The following IQSEC1 variants were observed in gnomAD, a reference collection of about 807,000 sequenced individuals.
The protein encoded by IQSEC1 is IQ motif and SEC7 domain-containing protein 1.
A neutral mutation model predicts 91.0 loss-of-function variants in IQSEC1; 31 were observed. The ratio of observed to expected loss-of-function variants is 0.34; its 90% CI spans 0.26 to 0.46. IQSEC1 has a LOEUF of 0.46. IQSEC1 is among the 20% of genes least tolerant of loss of function. IQSEC1 has a pLI of 1.00. For synonymous variants in IQSEC1, 699 were observed against 662.6 expected (o/e 1.05, Z -0.84); for missense variants, 1,388 against 1,575.6 (o/e 0.88, Z 2.02).
chr3:12,997,459 T>C (rs1483761637), intron 1 of IQSEC1, among the ~76,000 whole-genome samples: 4 of 152,238 alleles, frequency 2.6e-5, no homozygotes, highest in African/African-American at 4.8e-5. Context: ...TTGAAGTCTC[T>C]TCTTGACATG....
chr3:13,226,040 C>T (rs937732540), intron 1 of IQSEC1, among the ~76,000 whole-genome samples: 9 of 152,180 alleles, frequency 5.9e-5, no homozygotes, highest in Non-Finnish European at 1.5e-5. Flanking sequence ...ACCACCACGC[C>T]TGGCTAATTT....
intron 1 of IQSEC1, among the ~76,000 whole-genome samples, chr3:12,961,546 C>T (rs1391590760): frequency 6.6e-6 from 1 of 152,216 alleles, no homozygotes; most frequent in African/African-American, 2.4e-5. Context: ...CCACCAACAG[C>T]CTGCAGCCCT....
chr3:12,938,895 G>A (rs916304340), intron 2 of IQSEC1, among the ~76,000 whole-genome samples: 4 of 152,168 alleles, frequency 2.6e-5, no homozygotes, highest in Admixed American at 1.3e-4. Flanking sequence ...CAGAGCCCCT[G>A]GCAGTTCCTC....
At chr3:13,154,196 T>A (rs1707044404) in intron 2 of IQSEC1, among the ~76,000 whole-genome samples, 1 of 151,358 alleles carries the variant, frequency 6.6e-6, no homozygotes. Flanking sequence ...GGAAGAAGAA[T>A]CTTATCTGAC....
chr3:13,204,834 CTT>C (rs1694314468), intron 1 of IQSEC1, among the ~76,000 whole-genome samples: 1 of 138,676 alleles, frequency 7.2e-6, no homozygotes. Context: ...GAATTTCACT[CTT>C]GTTGCCCAAG....
intron 1 of IQSEC1, among the ~76,000 whole-genome samples, chr3:13,202,023 G>GGAGTGT (rs1694254386): frequency 2.0e-5 from 3 of 152,220 alleles, no homozygotes; most frequent in Non-Finnish European, 4.4e-5. Context: ...CCAGCCAACT[G>GGAGTGT]CAGCCGCTGC....
At chr3:12,944,888 C>T (rs1442360382) in intron 1 of IQSEC1, among the ~76,000 whole-genome samples, 2 of 152,186 alleles carry the variant, frequency 1.3e-5, no homozygotes, top group African/African-American at 2.4e-5. Flanking sequence ...GTGCTGCCCC[C>T]GACCCAGGAT....
In IQSEC1 at chr3:13,146,500, A is replaced by G. The variant is rs567437896; in HGVS notation, c.302+17604T>C. ...TGATGACCCCCATAAAACCTCAGCC[A>G]CCAAGGACAGCTGCAGCCAAGGGCT... On this transcript the variant is annotated intron_variant, in intron 2 of 15. Coordinates refer to the IQSEC1 transcript ENST00000648114. Among the ~76,000 whole-genome samples, 181 of 152,308 alleles carry G rather than the reference A, an allele frequency of 1.2e-3. 1 individual carries two copies. The highest frequency in any genetic ancestry group is 4.3e-3 in the African/African-American group (177 of 41,566).
intron 1 of IQSEC1, among the ~76,000 whole-genome samples, chr3:13,247,917 G>A (rs920374054): frequency 6.6e-6 from 1 of 152,198 alleles, no homozygotes; most frequent in Non-Finnish European, 1.5e-5. Flanking sequence ...GTCTTCCTGG[G>A]GTTCCAGTGG....
At chr3:13,124,675 CG>C (rs1706480945) in intron 2 of IQSEC1, among the ~76,000 whole-genome samples, 1 of 152,148 alleles carries the variant, frequency 6.6e-6, no homozygotes, top group African/African-American at 2.4e-5. Flanking sequence ...AGGGCACTGG[CG>C]GGACTGTCAT....
intron 1 of IQSEC1, among the ~76,000 whole-genome samples, chr3:13,009,970 T>A (rs1459892031): frequency 6.6e-6 from 1 of 152,256 alleles, no homozygotes; most frequent in Non-Finnish European, 1.5e-5. Context: ...GATTCTGGGC[T>A]TCAGGTCAAG....
chr3:13,175,780 G>C (rs145555900), intron 1 of IQSEC1, among the ~76,000 whole-genome samples: 6 of 152,342 alleles, frequency 3.9e-5, no homozygotes, highest in Non-Finnish European at 8.8e-5. Context: ...TGGCACTTTG[G>C]TGCTGTCCTC....
intron 1 of IQSEC1, among the ~76,000 whole-genome samples, chr3:13,273,244 A>G (rs999343343): frequency 6.6e-6 from 1 of 152,132 alleles, no homozygotes; most frequent in African/African-American, 2.4e-5. Flanking sequence ...CGTGCTGCCC[A>G]AATACTCCAC....
intron 1 of IQSEC1, among the ~76,000 whole-genome samples, chr3:12,947,676 A>G (rs778803348): frequency 6.6e-6 from 1 of 152,188 alleles, no homozygotes; most frequent in African/African-American, 2.4e-5. Flanking sequence ...GGGACAGGCC[A>G]AGGACAGGGC....
At chr3:13,124,761 A>G (rs1251534437) in intron 2 of IQSEC1, among the ~76,000 whole-genome samples, 1 of 124,558 alleles carries the variant, frequency 8.0e-6, no homozygotes, top group Non-Finnish European at 1.6e-5. Context: ...CAAACGTCCC[A>G]TGGGAGCTCC....
rs529056453 is a variant in IQSEC1 at position 13,034,914 on chromosome 3, C to T, written c.23+38078G>A. Among the ~76,000 whole-genome samples the T allele has an allele frequency of 1.3e-3, 191 of 152,352 alleles. 1 individual carries two copies. Among genetic ancestry groups the T allele is most frequent in the Non-Finnish European group, 2.4e-3 (165 of 68,030 alleles). ...CTCCCCTAACAGTATTCCCATGCTC[C>T]CAGGGATCGGCCTCGCCCCGACAGG... is the stretch of plus-strand genomic sequence containing the variant. On this transcript the variant is annotated intron_variant, in intron 1 of 13. Coordinates refer to ENST00000613206, the MANE Select transcript of IQSEC1 (RefSeq NM_001134382.3).
intron 1 of IQSEC1, among the ~76,000 whole-genome samples, chr3:13,013,633 C>T (rs1047346326): frequency 1.3e-5 from 2 of 152,232 alleles, no homozygotes; most frequent in African/African-American, 4.8e-5. Context: ...GCCCTACTCT[C>T]CTTCACAGAA....
intron 2 of IQSEC1, among the ~76,000 whole-genome samples, chr3:13,097,106 C>T (rs1475521740): frequency 6.6e-6 from 1 of 152,162 alleles, no homozygotes; most frequent in Non-Finnish European, 1.5e-5. Context: ...GTGATCCGCC[C>T]ACCTCGGCCT....
chr3:13,180,818 A>G (rs1475413079), intron 1 of IQSEC1, among the ~76,000 whole-genome samples: 3 of 151,776 alleles, frequency 2.0e-5, no homozygotes, highest in Non-Finnish European at 4.4e-5. Context: ...CAGCGAGACC[A>G]CGAACCCACC....
Sources: gnomAD v4.1 joint callset for allele counts (sites outside exome capture counted in the v4.1 genomes callset) on GRCh38, gnomAD v4.1.1 for gene constraint, MANE v1.5 for transcripts, NCBI Gene and HGNC (gene_info 2026-07-23, HGNC 2026-07-21) for gene names.